The following SEMA6D variants were observed in gnomAD, a reference collection of about 807,000 sequenced individuals.
SEMA6D encodes semaphorin 6D.
Under a neutral mutation model 106.6 loss-of-function variants are expected in SEMA6D, and 35 were observed. The observed-to-expected ratio is 0.33, with a 90% CI of 0.25 to 0.44. The LOEUF is 0.44. Among genes scored for constraint, SEMA6D ranks in the 20% least tolerant of loss-of-function variants. The pLI, the probability that SEMA6D is intolerant of heterozygous loss-of-function variation, is 1.00. For synonymous variants in SEMA6D, 499 were observed against 487.7 expected (o/e 1.02, Z -0.31); for missense variants, 1,185 against 1,345.9 (o/e 0.88, Z 1.87).
chr15:47,478,924 C>G (rs2043073322), intron 3 of SEMA6D, among the ~76,000 whole-genome samples: 1 of 152,012 alleles, frequency 6.6e-6, no homozygotes, highest in African/African-American at 2.4e-5. Flanking sequence ...GAGGAACTAC[C>G]CTTTATAAAA....
At chr15:47,243,777 T>A (rs1345029527) in intron 1 of SEMA6D, among the ~76,000 whole-genome samples, 5 of 152,152 alleles carry the variant, frequency 3.3e-5, no homozygotes, top group Non-Finnish European at 7.4e-5. Context: ...ATGTTGAGTG[T>A]TCTTGTTGAG....
At chr15:47,311,116 A>G (rs2036433209) in intron 1 of SEMA6D, among the ~76,000 whole-genome samples, 1 of 152,252 alleles carries the variant, frequency 6.6e-6, no homozygotes, top group African/African-American at 2.4e-5. Flanking sequence ...TATCAACAGA[A>G]CGTGAGACAG....
chr15:47,660,354 C>T (rs188596407), intron 4 of SEMA6D, among the ~76,000 whole-genome samples: 25 of 152,148 alleles, frequency 1.6e-4, no homozygotes, highest in African/African-American at 5.5e-4. Flanking sequence ...TTACAGACCT[C>T]GACACAATGT....
intron 2 of SEMA6D, among the ~76,000 whole-genome samples, chr15:47,464,406 C>T (rs1400397656): frequency 2.2e-4 from 33 of 152,080 alleles, no homozygotes; most frequent in Non-Finnish European, 2.9e-5. Context: ...AGAAAAGGCA[C>T]CCATCCTGCT....
intron 1 of SEMA6D, among the ~76,000 whole-genome samples, chr15:47,379,150 T>G (rs940412038): frequency 6.6e-6 from 1 of 152,246 alleles, no homozygotes; most frequent in African/African-American, 2.4e-5. Context: ...GTCTTTTATA[T>G]TATCTCACTA....
At chr15:47,195,042 A>G (rs889109528) in intron 1 of SEMA6D, among the ~76,000 whole-genome samples, 1 of 152,218 alleles carries the variant, frequency 6.6e-6, no homozygotes, top group Non-Finnish European at 1.5e-5. Flanking sequence ...TGATGAAAAA[A>G]AGAATCATTT....
chr15:47,491,453 A>G (rs890690870), intron 3 of SEMA6D, among the ~76,000 whole-genome samples: 2 of 151,016 alleles, frequency 1.3e-5, no homozygotes, highest in Non-Finnish European at 2.9e-5. Context: ...ATAGGCAAAA[A>G]TAAGCAATAC....
intron 3 of SEMA6D, among the ~76,000 whole-genome samples, chr15:47,533,769 A>G (rs1054677885): frequency 6.6e-6 from 1 of 152,186 alleles, no homozygotes; most frequent in African/African-American, 2.4e-5. Flanking sequence ...GGCTTCTTAG[A>G]TGGATGGAGG....
At chr15:47,356,691 C>A (rs891833193) in intron 1 of SEMA6D, among the ~76,000 whole-genome samples, 2 of 152,094 alleles carry the variant, frequency 1.3e-5, no homozygotes, top group African/African-American at 4.8e-5. Flanking sequence ...TATTGCAATT[C>A]AAATGCAGCT....
chr15:47,252,877 C>A (rs1250672259), intron 1 of SEMA6D, among the ~76,000 whole-genome samples: 1 of 152,164 alleles, frequency 6.6e-6, no homozygotes, highest in Non-Finnish European at 1.5e-5. Context: ...ATCTTTCTGA[C>A]ACACTGATTT....
intron 4 of SEMA6D, among the ~76,000 whole-genome samples, chr15:47,601,856 T>C (rs2076666754): frequency 6.6e-6 from 1 of 152,210 alleles, no homozygotes; most frequent in Non-Finnish European, 1.5e-5. Flanking sequence ...TCCTGTTACT[T>C]ACTATGTTAA....
At chr15:47,751,851 G>GA (rs34439079) in intron 1 of SEMA6D, among the ~76,000 whole-genome samples, 24 of 149,688 alleles carry the variant, frequency 1.6e-4, no homozygotes, top group Admixed American at 2.7e-4. Context: ...CTAAGGGACT[G>GA]AAAAAAAAAA....
chr15:47,760,526 A>G, intron 3 of SEMA6D, 111 bp downstream of exon 3: 1 of 785,564 alleles, frequency 1.3e-6, no homozygotes, highest in Non-Finnish European at 2.0e-6. Flanking sequence ...CAAAAATTGC[A>G]AGTAGCCAGA....
intron 1 of SEMA6D, among the ~76,000 whole-genome samples, chr15:47,230,332 T>G (rs756562268): frequency 2.0e-5 from 3 of 152,128 alleles, no homozygotes; most frequent in Non-Finnish European, 2.9e-5. Context: ...AATATACAAA[T>G]ACTTTTCATG....
At chr15:47,527,631 T>G (rs1325111619) in intron 3 of SEMA6D, 1 of 152,244 alleles carries the variant, frequency 6.6e-6, no homozygotes. Flanking sequence ...AGCCTCTTAC[T>G]TTATTTCCTC....
At chr15:47,217,702 C>G (rs1191900466) in intron 1 of SEMA6D, among the ~76,000 whole-genome samples, 1 of 151,456 alleles carries the variant, frequency 6.6e-6, no homozygotes, top group African/African-American at 2.4e-5. Flanking sequence ...CCTTCCTATA[C>G]TATTTGAAAA....
intron 1 of SEMA6D, among the ~76,000 whole-genome samples, chr15:47,317,085 T>C (rs2036712752): frequency 6.6e-6 from 1 of 152,184 alleles, no homozygotes; most frequent in African/African-American, 2.4e-5. Context: ...TCAATTTCTT[T>C]ATAGATATAG....
intron 3 of SEMA6D, among the ~76,000 whole-genome samples, chr15:47,471,578 C>A (rs984959076): frequency 2.0e-5 from 3 of 152,220 alleles, no homozygotes; most frequent in East Asian, 3.9e-4. Context: ...TTTCTGTCTC[C>A]TGTGAGGGTC....
intron 3 of SEMA6D, among the ~76,000 whole-genome samples, chr15:47,520,158 G>A (rs1260030359): frequency 6.6e-6 from 1 of 152,216 alleles, no homozygotes; most frequent in Non-Finnish European, 1.5e-5. Flanking sequence ...ATTCTCACAA[G>A]TCCAGATAAG....
Sources: allele counts gnomAD v4.1 joint callset (sites outside exome capture counted in the v4.1 genomes callset), GRCh38; gene constraint gnomAD v4.1.1; transcripts MANE v1.5; gene names NCBI Gene and HGNC (gene_info 2026-07-23, HGNC 2026-07-21).